The following CACNA1C variants were observed in gnomAD, a reference collection of about 807,000 sequenced individuals.
CACNA1C encodes the protein calcium voltage-gated channel subunit alpha1 C.
A neutral mutation model predicts 229.0 loss-of-function variants in CACNA1C; 30 were observed. The observed-to-expected ratio is 0.13, with a 90% CI of 0.10 to 0.18. CACNA1C has a LOEUF of 0.18. Among genes scored for constraint, CACNA1C ranks in the 10% least tolerant of loss-of-function variants. The probability of loss-of-function intolerance (pLI) is 1.00; values close to 1 mark genes in which losing one functional copy is unlikely to be tolerated. For missense variants in CACNA1C, 1,658 were observed against 2,845.0 expected, an observed-to-expected ratio of 0.58 and a Z score of 9.49; for synonymous variants, 1,114 against 1,132.5, an observed-to-expected ratio of 0.98 and a Z score of 0.33.
intron 11 of CACNA1C, among the ~76,000 whole-genome samples, chr12:2,565,695 C>G (rs1361193233): frequency 6.6e-6 from 1 of 152,118 alleles, no homozygotes; most frequent in Non-Finnish European, 1.5e-5. Flanking sequence ...TGTGTGGGCT[C>G]TCAAGTAAAG....
chr12:2,050,433 TCA>T (rs1358611757), upstream of CACNA1C, among the ~76,000 whole-genome samples: 1 of 152,222 alleles, frequency 6.6e-6, no homozygotes, highest in Admixed American at 6.5e-5. Context: ...AAAGGGCCTA[TCA>T]CAGTACCTGG....
chr12:2,153,931 T>C (rs909577720), intron 3 of CACNA1C, among the ~76,000 whole-genome samples: 5 of 152,224 alleles, frequency 3.3e-5, no homozygotes, highest in Non-Finnish European at 5.9e-5. Context: ...CAAGTGCAGC[T>C]TTCACCCGTC....
intron 9 of CACNA1C, among the ~76,000 whole-genome samples, chr12:2,536,109 T>C (rs1159757473): frequency 2.0e-5 from 3 of 152,236 alleles, no homozygotes; most frequent in African/African-American, 7.2e-5. Context: ...CCTCTGTGGC[T>C]GTTCACGGCC....
chr12:2,338,285 A>C (rs1477537011), intron 3 of CACNA1C, among the ~76,000 whole-genome samples: 1 of 152,196 alleles, frequency 6.6e-6, no homozygotes, highest in East Asian at 1.9e-4. Flanking sequence ...CGGTAAATGA[A>C]GAAAACGGAC....
chr12:2,388,492 A>T (rs1356373286), intron 3 of CACNA1C, among the ~76,000 whole-genome samples: 1 of 152,252 alleles, frequency 6.6e-6, no homozygotes, highest in African/African-American at 2.4e-5. Flanking sequence ...ATCATGGAAC[A>T]TCATGACTGG....
chr12:2,632,243 C>T lies in CACNA1C; in HGVS notation c.3829-2054C>T, dbSNP rs928922680. 3.3e-5 allele frequency among the ~76,000 whole-genome samples: 5 copies of T among 151,824 alleles called. No homozygotes were observed. Among genetic ancestry groups the T allele is most frequent in the Admixed American group, 6.6e-5 (1 of 15,246 alleles). ...AAAGAAGACAAATCTCTGTAGTACTCGGTCCTTCCCCCTCCACCCATGGGG... is the reference window on the plus strand; with the variant it reads ...AAAGAAGACAAATCTCTGTAGTACTTGGTCCTTCCCCCTCCACCCATGGGG... On this transcript the variant is annotated intron_variant, in intron 29 of 46. Coordinates refer to ENST00000399655, the MANE Select transcript of CACNA1C (RefSeq NM_000719.7). This position sits in a 1 kb window ranked among gnomAD's most constrained non-coding sequence, Gnocchi z 4.1.
chr12:2,058,754 G>A (rs774817305), intron 1 of CACNA1C, among the ~76,000 whole-genome samples: 2 of 152,174 alleles, frequency 1.3e-5, no homozygotes, highest in African/African-American at 2.4e-5. Flanking sequence ...AATGTTTTTC[G>A]GTGTCATTTC....
chr12:2,284,129 C>G (rs2092172754), intron 3 of CACNA1C, among the ~76,000 whole-genome samples: 2 of 152,168 alleles, frequency 1.3e-5, no homozygotes, highest in South Asian at 4.1e-4. Flanking sequence ...CGTCCCTGGC[C>G]CTCAGGAAGT....
At chr12:2,438,078 G>A (rs940106314) in intron 3 of CACNA1C, among the ~76,000 whole-genome samples, 10 of 151,082 alleles carry the variant, frequency 6.6e-5, no homozygotes, top group African/African-American at 2.4e-4. Context: ...GGTAGTGATG[G>A]TGGTAATGGT....
At chr12:1,970,825 G>C, upstream of CACNA1C, 1 of 280,848 alleles carries the variant, frequency 3.6e-6, no homozygotes, top group African/African-American at 2.2e-5. Context: ...GAAAATACAA[G>C]GTTGAAAAGA....
chr12:1,992,892 A>G (rs952493167), intron 1 of CACNA1C: 6 of 498,162 alleles, frequency 1.2e-5, no homozygotes, highest in African/African-American at 9.7e-5. Flanking sequence ...AAAGTGCCAT[A>G]GCAGACTCGT....
intron 6 of CACNA1C, among the ~76,000 whole-genome samples, chr12:2,492,408 A>G (rs1490236124): frequency 6.6e-6 from 1 of 152,212 alleles, no homozygotes; most frequent in African/African-American, 2.4e-5. Context: ...CTCTATCTTG[A>G]TAGAGGTCAG....
intron 1 of CACNA1C, among the ~76,000 whole-genome samples, chr12:2,097,178 C>A (rs1362835903): frequency 6.6e-6 from 1 of 152,048 alleles, no homozygotes; most frequent in Non-Finnish European, 1.5e-5. Context: ...TGGAGTCTTG[C>A]TCTGTCACCC....
intron 3 of CACNA1C, among the ~76,000 whole-genome samples, chr12:2,160,493 C>T (rs373697672): frequency 2.0e-5 from 3 of 152,182 alleles, no homozygotes; most frequent in East Asian, 3.9e-4. Context: ...CCTGTTGTTT[C>T]CACTTTTGCT....
In CACNA1C at chr12:2,602,721, G is replaced by C. The variant is rs2073323558; in HGVS notation, c.2960+761G>C. 6.6e-6 allele frequency among the ~76,000 whole-genome samples: 1 copy of C among 151,534 alleles called. No homozygotes were observed. Among genetic ancestry groups the C allele is most frequent in the Non-Finnish European group, 1.5e-5 (1 of 67,974 alleles). ...TACAGTCTGGGTGTGAGTTCTAAGA[G>C]CTTTCCAGGTGACTCCCCTGTACAG... is the stretch of plus-strand genomic sequence containing the variant. On this transcript the variant is annotated intron_variant, in intron 22 of 46. Coordinates refer to ENST00000399655, the MANE Select transcript of CACNA1C (RefSeq NM_000719.7). The surrounding 1 kb of genome is among the most constrained non-coding windows in gnomAD (Gnocchi z 4.4).
intron 3 of CACNA1C, among the ~76,000 whole-genome samples, chr12:2,187,649 G>A (rs1365968093): frequency 6.6e-6 from 1 of 152,266 alleles, no homozygotes; most frequent in Non-Finnish European, 1.5e-5. Context: ...CAGGCCAGAG[G>A]GCTGAAGATG....
At chr12:2,073,502 G>T (rs544140855) in intron 1 of CACNA1C, among the ~76,000 whole-genome samples, 6 of 152,292 alleles carry the variant, frequency 3.9e-5, no homozygotes, top group African/African-American at 1.4e-4. Flanking sequence ...GAGGAGCTGG[G>T]CTGGCCCTCC....
chr12:2,491,327 T>C (rs2099728938), intron 6 of CACNA1C, among the ~76,000 whole-genome samples: 1 of 152,128 alleles, frequency 6.6e-6, no homozygotes, highest in Non-Finnish European at 1.5e-5. Flanking sequence ...ATAAACTTAC[T>C]AAAAATAATT....
At chr12:2,576,838 C>A (rs978606527) in intron 13 of CACNA1C, among the ~76,000 whole-genome samples, 2 of 152,196 alleles carry the variant, frequency 1.3e-5, no homozygotes, top group African/African-American at 4.8e-5. Flanking sequence ...CCCCCACCCT[C>A]AACCTGCTAC....
Sources: gnomAD v4.1 joint callset for allele counts (sites outside exome capture counted in the v4.1 genomes callset) on GRCh38, gnomAD v4.1.1 for gene constraint, Gnocchi (gnomAD v3.1) non-coding constraint, MANE v1.5 for transcripts, NCBI Gene and HGNC (gene_info 2026-07-23, HGNC 2026-07-21) for gene names.